The following MAGI2 variants were observed in gnomAD, a reference collection of about 807,000 sequenced individuals.
MAGI2 encodes the protein membrane-associated guanylate kinase, WW and PDZ domain-containing protein 2.
A neutral mutation model predicts 133.3 loss-of-function variants in MAGI2; 35 were observed. The observed-to-expected ratio is 0.26, with a 90% CI of 0.20 to 0.35. MAGI2 has a LOEUF of 0.35. Among genes scored for constraint, MAGI2 ranks in the 10% least tolerant of loss-of-function variants. MAGI2 has a pLI of 1.00. For synonymous variants in MAGI2, 729 were observed against 710.6 expected (o/e 1.03, Z -0.41); for missense variants, 1,636 against 1,863.4 (o/e 0.88, Z 2.25).
At chr7:78,959,454 CTGAAACAA>C (rs1284279223) in intron 2 of MAGI2, among the ~76,000 whole-genome samples, 12 of 152,166 alleles carry the variant, frequency 7.9e-5, no homozygotes, top group Admixed American at 5.9e-4. Flanking sequence ...TTTTCTCCTA[CTGAAACAA>C]TAATAGCTTC....
At chr7:78,541,713 C>T (rs1798426103) in intron 3 of MAGI2, among the ~76,000 whole-genome samples, 2 of 152,302 alleles carry the variant, frequency 1.3e-5, no homozygotes, top group South Asian at 4.1e-4. Flanking sequence ...CACTCTAGGT[C>T]ATTAGAATGC....
chr7:78,119,306 A>G (rs1252418431), intron 20 of MAGI2, among the ~76,000 whole-genome samples: 3 of 152,192 alleles, frequency 2.0e-5, no homozygotes, highest in African/African-American at 4.8e-5. Context: ...ACGCCTGTAA[A>G]TCCCAGCACT....
intron 1 of MAGI2, among the ~76,000 whole-genome samples, chr7:79,339,614 T>C (rs1393022345): frequency 2.0e-5 from 3 of 152,168 alleles, no homozygotes; most frequent in African/African-American, 7.2e-5. Flanking sequence ...TTAGTTCTAC[T>C]ACGTATATTA....
chr7:79,366,179 T>C (rs6963880), intron 1 of MAGI2, among the ~76,000 whole-genome samples: 76,261 of 151,790 alleles, frequency 0.5, 20,655 homozygotes, highest in African/African-American at 0.71. Context: ...GAAGTCGAGG[T>C]GGCAGTGAGC....
chr7:79,219,239 A>C (rs977044497), intron 1 of MAGI2, among the ~76,000 whole-genome samples: 2 of 152,034 alleles, frequency 1.3e-5, no homozygotes, highest in Non-Finnish European at 2.9e-5. Flanking sequence ...TTGTTTACTC[A>C]CAGATTAAAG....
chr7:78,755,546 G>A (rs1272660515), intron 2 of MAGI2, among the ~76,000 whole-genome samples: 1 of 152,108 alleles, frequency 6.6e-6, no homozygotes, highest in Non-Finnish European at 1.5e-5. Flanking sequence ...GGGGCCAGGT[G>A]TGTCTTCAAG....
At chr7:78,869,073 G>A (rs1044559710) in intron 2 of MAGI2, among the ~76,000 whole-genome samples, 1 of 152,120 alleles carries the variant, frequency 6.6e-6, no homozygotes, top group African/African-American at 2.4e-5. Flanking sequence ...CATTTTTAAA[G>A]GATTAAGATT....
At chr7:78,993,994 A>G (rs1394084279) in intron 2 of MAGI2, among the ~76,000 whole-genome samples, 1 of 152,064 alleles carries the variant, frequency 6.6e-6, no homozygotes, top group Non-Finnish European at 1.5e-5. Context: ...GCATTTTTCC[A>G]GGAACCAGGG....
intron 5 of MAGI2, among the ~76,000 whole-genome samples, chr7:78,492,067 A>ACAAAAG (rs1213552964): frequency 6.6e-6 from 1 of 152,002 alleles, no homozygotes; most frequent in African/African-American, 2.4e-5. Flanking sequence ...AGATATATTC[A>ACAAAAG]CAAAAGCAAA....
intron 11 of MAGI2, among the ~76,000 whole-genome samples, chr7:78,200,183 G>C (rs1182106744): frequency 6.6e-6 from 1 of 152,212 alleles, no homozygotes; most frequent in Non-Finnish European, 1.5e-5. Context: ...CTTAGTGAGA[G>C]TGTTCTGCTT....
At chr7:78,024,425 T>C (rs1016512524) in intron 21 of MAGI2, among the ~76,000 whole-genome samples, 4 of 152,240 alleles carry the variant, frequency 2.6e-5, no homozygotes, top group African/African-American at 7.2e-5. Context: ...TAAGTCCAAA[T>C]AGAAATCTTT....
At chr7:78,099,618 A>G (rs1818024695) in intron 20 of MAGI2, among the ~76,000 whole-genome samples, 1 of 152,220 alleles carries the variant, frequency 6.6e-6, no homozygotes. Flanking sequence ...TGTGTAAAAT[A>G]TGAGGTTCCC....
intron 1 of MAGI2, among the ~76,000 whole-genome samples, chr7:79,209,305 G>A (rs531571083): frequency 7.9e-5 from 12 of 151,638 alleles, no homozygotes; most frequent in South Asian, 2.1e-4. Context: ...TTTATCTGTC[G>A]CAAAAACATA....
intron 2 of MAGI2, among the ~76,000 whole-genome samples, chr7:78,807,397 T>C (rs1304571735): frequency 1.3e-5 from 2 of 152,212 alleles, no homozygotes; most frequent in African/African-American, 4.8e-5. Flanking sequence ...TGACACTGTT[T>C]TCTGAATCTC....
intron 2 of MAGI2, among the ~76,000 whole-genome samples, chr7:78,899,357 T>C (rs891579115): frequency 6.6e-6 from 1 of 152,128 alleles, no homozygotes; most frequent in African/African-American, 2.4e-5. Flanking sequence ...TTCTCCTGCT[T>C]TTGCAATACT....
At chr7:78,226,579 C>T (rs1428992753) in intron 10 of MAGI2, among the ~76,000 whole-genome samples, 1 of 152,136 alleles carries the variant, frequency 6.6e-6, no homozygotes, top group Non-Finnish European at 1.5e-5. Context: ...ATTGCCTCGG[C>T]CTACGTGAAT....
intron 21 of MAGI2, among the ~76,000 whole-genome samples, chr7:78,039,985 G>A (rs3807784): frequency 0.18 from 28,083 of 152,172 alleles, 3,418 homozygotes; most frequent in African/African-American, 0.34. Context: ...CATTCATTCT[G>A]CAGCTTGGGA....
At chr7:78,776,758 C>T (rs573442556) in intron 2 of MAGI2, among the ~76,000 whole-genome samples, 3 of 152,178 alleles carry the variant, frequency 2.0e-5, no homozygotes, top group South Asian at 2.1e-4. Context: ...GGAAAAATTC[C>T]GCATGGGAAT....
intron 16 of MAGI2, 49 bp downstream of exon 16, chr7:78,159,974 CAA>C: frequency 2.6e-6 from 4 of 1,513,722 alleles, no homozygotes; most frequent in Non-Finnish European, 3.5e-6. Context: ...ATCACTGGAA[CAA>C]ATCAAAACAA....
Sources: gnomAD v4.1 joint callset for allele counts (sites outside exome capture counted in the v4.1 genomes callset) on GRCh38, gnomAD v4.1.1 for gene constraint, MANE v1.5 for transcripts, NCBI Gene and HGNC (gene_info 2026-07-23, HGNC 2026-07-21) for gene names.